Variants in MIA3 observed in about 807,000 individuals in gnomAD.
The protein encoded by MIA3 is transport and Golgi organization protein 1 homolog.
A neutral mutation model predicts 192.4 loss-of-function variants in MIA3; 90 were observed. That is an observed-to-expected ratio of 0.47 (90% confidence interval 0.39 to 0.56). The LOEUF (loss-of-function observed/expected upper bound fraction) is 0.56. Ranked by LOEUF, MIA3 falls within the 20% of genes least tolerant of loss-of-function variation. The pLI, the probability that MIA3 is intolerant of heterozygous loss-of-function variation, is 0.00. For synonymous variants in MIA3, 740 were observed against 792.8 expected (o/e 0.93, Z 1.12); for missense variants, 2,123 against 2,269.4 (o/e 0.94, Z 1.31).
intron 2 of MIA3, among the ~76,000 whole-genome samples, chr1:222,623,486 A>G (rs1415416458): frequency 6.6e-6 from 1 of 152,142 alleles, no homozygotes; most frequent in Non-Finnish European, 1.5e-5. Context: ...CTCTGTCTTC[A>G]GCTTTCAAAA....
At chr1:222,650,581 C>A in intron 9 of MIA3, 53 bp from the exon 10 acceptor site, 1 of 1,250,306 alleles carries the variant, frequency 8.0e-7, no homozygotes, top group Non-Finnish European at 1.1e-6. Context: ...AAAATAAGTT[C>A]TGGTAGCACT....
Position 222,653,047 on chromosome 1 carries a change from G to A in MIA3, c.4126G>A (p.Glu1376Lys). Residue 1376 changes from glutamate to lysine, a missense_variant, in exon 14 of 28, where the codon GAG becomes AAG. Glu to Lys is a moderately conservative substitution (Grantham distance 56). Transcript: ENST00000344922. ...EIEDWSKLHA[E>K]LSEQIKSFEK... ...CGAAGACTGGAGTAAATTACATGCT[G>A]AGCTCAGTGAGCAAATCAAATCATT... 6.2e-7 allele frequency: 1 copy of A among 1,613,072 alleles called. No homozygotes were observed.
At position 222,665,098 on chromosome 1, in the gene MIA3, CTG is replaced by C. The variant is rs1664211271; in HGVS notation, c.5414-210_5414-209del. ...CCTGTAGTCCCAGCTACTGGGGAGT[CTG>C]AGGTGGGAGGATTGATTGAGTCCGG... On this transcript the variant is annotated intron_variant, in intron 27 of 27. Coordinates refer to ENST00000344922, the MANE Select transcript of MIA3 (RefSeq NM_198551.4). The C allele has an allele frequency of 5.5e-6, 3 of 541,074 alleles. No individual in the cohort carries two copies. In the East Asian group the frequency reaches 9.6e-5, roughly 17 times the overall value. 33.5% of individuals were successfully genotyped at this position (541,074 alleles called of 1,614,324 possible). A position where few individuals can be genotyped will look rare whatever the true frequency, so the allele number is the denominator to read the frequency against.
Position 222,652,220 on chromosome 1 carries a change from T to C in MIA3, c.3982-8T>C. The C allele has an allele frequency of 3.1e-6, 5 of 1,602,066 alleles. No homozygotes were observed. The highest frequency in any genetic ancestry group is 4.3e-6 in the Non-Finnish European group (5 of 1,169,912). On this transcript the variant is annotated splice_region_variant and splice_polypyrimidine_tract_variant and intron_variant, in intron 12 of 27. Coordinates refer to ENST00000344922, the MANE Select transcript of MIA3 (RefSeq NM_198551.4). ...AATTAATTCACTAATAGGAGTGTTT[T>C]GCATTAGGTTCAGATTGCACTTAAT...
chr1:222,650,910 G>A lies in MIA3; in HGVS notation c.3909+7G>A, dbSNP rs1235306914. ...TGTCAAGAATCAGGACTTGGTAAGAGTTTTGCTGCTAAGTATTACTAATAA... is the reference window on the plus strand; with the variant it reads ...TGTCAAGAATCAGGACTTGGTAAGAATTTTGCTGCTAAGTATTACTAATAA... On this transcript the variant is annotated splice_region_variant and intron_variant, in intron 11 of 27. Coordinates refer to ENST00000344922, the MANE Select transcript of MIA3 (RefSeq NM_198551.4). The A allele has an allele frequency of 6.6e-7, 1 of 1,526,118 alleles. No individual in the cohort carries two copies. Among genetic ancestry groups the A allele is most frequent in the African/African-American group, 1.4e-5 (1 of 72,040 alleles). The allele number at this position is 1,526,118 out of a possible 1,614,324, so 94.5% of individuals were successfully genotyped here.
rs756693626 is a variant in MIA3, at chr1:222,629,883, G to T, written c.2663G>T (p.Gly888Val). 128 of 1,613,870 alleles carry T rather than the reference G, an allele frequency of 7.9e-5. No individual in the cohort carries two copies. Among genetic ancestry groups the T allele is most frequent in the Non-Finnish European group, 1.0e-4 (118 of 1,180,010 alleles). Reference sequence around the variant, plus strand: ...CATGAGAACACAGAGAAGTACATGGGCACAGAAAGCCAGGGGTCTGCTGCT... The same window carrying T: ...CATGAGAACACAGAGAAGTACATGGTCACAGAAAGCCAGGGGTCTGCTGCT... Reference protein sequence around the residue: ...EDHENTEKYMGTESQGSAAAE... With the variant: ...EDHENTEKYMVTESQGSAAAE... Residue 888 changes from glycine to valine, a missense_variant, in exon 4 of 28, where the codon GGC becomes GTC. Around this residue, in one of 3 missense-constraint regions of MIA3, gnomAD observed 1,357 missense variants for 1,396.1 expected, o/e 0.97. Coordinates refer to ENST00000344922, the MANE Select transcript of MIA3 (RefSeq NM_198551.4).
intron 3 of MIA3, among the ~76,000 whole-genome samples, chr1:222,625,449 A>T (rs1475617326): frequency 1.3e-5 from 2 of 152,262 alleles, no homozygotes; most frequent in Non-Finnish European, 2.9e-5. Context: ...AAAACTACTT[A>T]TTGGATAGCT....
At chr1:222,646,119 A>G (rs1663129011) in intron 7 of MIA3, 1 of 154,830 alleles carries the variant, frequency 6.5e-6, no homozygotes, top group African/African-American at 2.4e-5. Context: ...AATCGATCCT[A>G]AAGAAATAAC....
At chr1:222,632,512 C>G (rs527298156) in intron 5 of MIA3, among the ~76,000 whole-genome samples, 186 bp downstream of exon 5, 1 of 152,206 alleles carries the variant, frequency 6.6e-6, no homozygotes, top group Non-Finnish European at 1.5e-5. Flanking sequence ...ACACCAGAGA[C>G]TATAACTAAC....
chr1:222,654,795 T>A lies in MIA3; in HGVS notation c.4607+2T>A. On this transcript the variant is annotated splice_donor_variant, in intron 18 of 27. Coordinates refer to ENST00000344922, the MANE Select transcript of MIA3 (RefSeq NM_198551.4). LOFTEE classifies it high-confidence loss of function. Reference sequence around the variant, plus strand: ...GCAGAAGGAGATGGCTTTGCAAAAGTAAGATTATCATCATTTACTGTTAAC... The same window carrying A: ...GCAGAAGGAGATGGCTTTGCAAAAGAAAGATTATCATCATTTACTGTTAAC... 6.2e-7 allele frequency: 1 copy of A among 1,612,648 alleles called. No homozygotes were observed. The highest frequency in any genetic ancestry group is 8.5e-7 in the Non-Finnish European group (1 of 1,179,000).
Position 222,659,982 on chromosome 1 carries a change from A to G in MIA3, c.4951A>G (p.Asn1651Asp), listed in dbSNP as rs1395473912. ...TGTAAAACCAATGCCAGGAAAACCA[A>G]ATACACAAAACCCTCCACGGAGAGG... is the stretch of plus-strand genomic sequence containing the variant. ...VIVKPMPGKP[N>D]TQNPPRRGPL... The change falls in exon 23 of 28, where the codon AAT becomes GAT. Residue 1651 changes from asparagine to aspartate, a missense_variant. Asn to Asp is a conservative substitution (Grantham distance 23). Transcript: ENST00000344922. The G allele has an allele frequency of 6.2e-7, 1 of 1,613,688 alleles. No individual in the cohort carries two copies. The highest frequency in any genetic ancestry group is 1.7e-5 in the Admixed American group (1 of 60,018).
At chr1:222,645,277 A>G (rs1176665366) in intron 6 of MIA3, among the ~76,000 whole-genome samples, 2 of 152,234 alleles carry the variant, frequency 1.3e-5, no homozygotes, top group African/African-American at 4.8e-5. Flanking sequence ...CATGTTTTAG[A>G]TAACATATTG....
intron 1 of MIA3, 72 bp downstream of exon 1, chr1:222,618,315 CGCG>C: frequency 1.6e-6 from 2 of 1,263,232 alleles, no homozygotes; most frequent in Non-Finnish European, 2.0e-6. Context: ...CGGGGGTCTC[CGCG>C]GCGGCGCCGC....
rs750801905 is a variant in MIA3, at chr1:222,629,216, A to G, written c.1996A>G (p.Thr666Ala). 1.9e-6 allele frequency: 3 copies of G among 1,613,516 alleles called. No individual in the cohort carries two copies. The Admixed American group carries it at 5.0e-5, about 27-fold the overall frequency. Residue 666 changes from threonine to alanine, a missense_variant, in exon 4 of 28, where the codon ACA becomes GCA. By Grantham distance (58) the Thr-to-Ala change is moderately conservative. Transcript: ENST00000344922. ...PWQQERDVAATASKQMSEKIR... is the reference protein window; with the variant it reads ...PWQQERDVAAAASKQMSEKIR... ...GCAACAAGAAAGAGATGTGGCTGCC[A>G]CAGCCAGTAAGCAAATGAGTGAGAA... is the stretch of plus-strand genomic sequence containing the variant.
intron 3 of MIA3, among the ~76,000 whole-genome samples, chr1:222,626,764 C>T (rs1049974401): frequency 3.3e-5 from 5 of 152,204 alleles, no homozygotes; most frequent in Non-Finnish European, 5.9e-5. Context: ...ATATCTCATG[C>T]ACCTGTATCT....
rs150956238 is a variant in MIA3, at chr1:222,661,140, T to C, written c.5113+826T>C. ...TAAACATAATCTCTCATGGTTCTTG[T>C]GTATTTTTCATGTTTAGTGCAATAA... On this transcript the variant is annotated intron_variant, in intron 24 of 27. Transcript: ENST00000344922. 5.8e-4 allele frequency: 88 copies of C among 152,686 alleles called. No homozygotes were observed. In the East Asian group the frequency reaches 8.6e-3, roughly 15 times the overall value. 9.5% of individuals were successfully genotyped at this position (152,686 alleles called of 1,614,324 possible).
At chr1:222,665,197 CA>C (rs879011032) in intron 27 of MIA3, 111 bp from the exon 28 acceptor site, 48,193 of 379,656 alleles carry the variant, frequency 0.13, 126 homozygotes, top group African/African-American at 0.22. Flanking sequence ...ACCCTGCCGC[CA>C]AAAAAAAAAA....
intron 6 of MIA3, among the ~76,000 whole-genome samples, chr1:222,643,548 A>AT (rs549741053): frequency 6.6e-6 from 1 of 152,000 alleles, no homozygotes; most frequent in African/African-American, 2.4e-5. Flanking sequence ...TAAAAATGGT[A>AT]TTTTTTATCT....
chr1:222,663,893 C>T (rs1419518539), intron 26 of MIA3, 105 bp from the exon 27 acceptor site: 1 of 1,089,094 alleles, frequency 9.2e-7, no homozygotes, highest in African/African-American at 1.6e-5. Flanking sequence ...GCTCTTTGGA[C>T]AAGTGCCTGA....
Sources: gnomAD v4.1 joint callset for allele counts (sites outside exome capture counted in the v4.1 genomes callset) on GRCh38, gnomAD v4.1.1 for gene constraint, gnomAD v4.1.1 regional missense constraint, MANE v1.5 for transcripts, NCBI Gene and HGNC (gene_info 2026-07-23, HGNC 2026-07-21) for gene names.